SDK1: variants seen among roughly 807,000 people sequenced by gnomAD.
SDK1 encodes protein sidekick-1.
A neutral mutation model predicts 245.5 loss-of-function variants in SDK1; 157 were observed. The ratio of observed to expected loss-of-function variants is 0.64; its 90% CI spans 0.56 to 0.73. The LOEUF (loss-of-function observed/expected upper bound fraction) is 0.73. SDK1 is among the 30% of genes least tolerant of loss of function. SDK1 has a pLI of 0.00. For missense variants in SDK1, 3,583 were observed against 3,002.3 expected (o/e 1.19, Z -4.52); for synonymous variants, 1,647 against 1,278.5 (o/e 1.29, Z -6.15).
chr7:3,748,691 G>A (rs1390906128), intron 4 of SDK1, among the ~76,000 whole-genome samples: 1 of 152,090 alleles, frequency 6.6e-6, no homozygotes, highest in Non-Finnish European at 1.5e-5. Context: ...TTCTCTTTTG[G>A]TTACCATCAC....
rs535928921 is a variant in SDK1 at position 4,099,946 on chromosome 7, T to G, written c.3325-10717T>G. On this transcript the variant is annotated intron_variant, in intron 22 of 44. Transcript: ENST00000404826. ...CCACTGGGGGCTCTTGACAGCCCTT[T>G]AGGGTGACCACTGTGGTCCTCGCTA... is the stretch of plus-strand genomic sequence containing the variant. Among the ~76,000 whole-genome samples, 3 of 152,154 alleles carry G rather than the reference T, an allele frequency of 2.0e-5. No homozygotes were observed. In the South Asian group the frequency reaches 6.2e-4, roughly 32 times the overall value.
At chr7:3,303,748 C>T (rs576371702) in intron 1 of SDK1, among the ~76,000 whole-genome samples, 2 of 152,180 alleles carry the variant, frequency 1.3e-5, no homozygotes, top group African/African-American at 2.4e-5. Context: ...TGTAATATAT[C>T]CATCTTTTTT....
Position 4,143,069 on chromosome 7 carries a change from T to G in SDK1, c.4229-2653T>G, listed in dbSNP as rs1198211299. ...GTTCTGAGGCACACGCTGTAGGTAG[T>G]TAACTCAATCAGGCATTGCAAAGTT... On this transcript the variant is annotated intron_variant, in intron 28 of 44. Coordinates refer to ENST00000404826, the MANE Select transcript of SDK1 (RefSeq NM_152744.4). Among the ~76,000 whole-genome samples the G allele has an allele frequency of 2.6e-5, 4 of 152,180 alleles. No homozygotes were observed. The East Asian group carries it at 5.8e-4, about 22-fold the overall frequency.
chr7:3,930,351 A>T (rs1293325442), intron 5 of SDK1, among the ~76,000 whole-genome samples: 1 of 152,224 alleles, frequency 6.6e-6, no homozygotes, highest in East Asian at 1.9e-4. Context: ...GTGGAAATGC[A>T]GGGTCTTGAT....
At chr7:3,492,607 T>C (rs73309921) in intron 1 of SDK1, among the ~76,000 whole-genome samples, 2,809 of 152,364 alleles carry the variant, frequency 0.018, 97 homozygotes, top group African/African-American at 0.063. Flanking sequence ...TCTTCAGTGT[T>C]CCTGTTCCTC....
At chr7:3,642,521 C>T (rs1450299853) in intron 4 of SDK1, among the ~76,000 whole-genome samples, 1 of 152,074 alleles carries the variant, frequency 6.6e-6, no homozygotes, top group Non-Finnish European at 1.5e-5. Context: ...ATGTTTGATA[C>T]TGCTTTCTCT....
chr7:3,757,633 G>A (rs1399514167), intron 4 of SDK1, among the ~76,000 whole-genome samples: 3 of 152,154 alleles, frequency 2.0e-5, no homozygotes, highest in Non-Finnish European at 4.4e-5. Flanking sequence ...GTGGGGGAGG[G>A]TGCAGTACTC....
intron 4 of SDK1, among the ~76,000 whole-genome samples, chr7:3,814,511 T>C (rs1001872379): frequency 6.6e-6 from 1 of 151,972 alleles, no homozygotes; most frequent in African/African-American, 2.4e-5. Context: ...TTTTGGTTAC[T>C]GTAGCCTTGT....
intron 4 of SDK1, among the ~76,000 whole-genome samples, chr7:3,715,176 C>A (rs528227211): frequency 4.1e-4 from 62 of 152,092 alleles, no homozygotes; most frequent in Non-Finnish European, 7.4e-4. Context: ...TACTAAATCA[C>A]CCTGTTCACA....
intron 1 of SDK1, among the ~76,000 whole-genome samples, chr7:3,358,859 T>G (rs1011641237): frequency 6.6e-6 from 1 of 152,220 alleles, no homozygotes; most frequent in African/African-American, 2.4e-5. Flanking sequence ...ATTTCCTCTT[T>G]TCAATTTCAA....
At chr7:3,545,149 G>A (rs1455570533) in intron 1 of SDK1, among the ~76,000 whole-genome samples, 1 of 152,096 alleles carries the variant, frequency 6.6e-6, no homozygotes, top group Non-Finnish European at 1.5e-5. Context: ...AACTTTAGGA[G>A]AGAGTTTTAA....
chr7:3,614,936 C>G (rs1583229410), intron 1 of SDK1, among the ~76,000 whole-genome samples: 1 of 150,172 alleles, frequency 6.7e-6, no homozygotes, highest in Non-Finnish European at 1.5e-5. Flanking sequence ...CCTACCAGCT[C>G]ACAGTATCCA....
chr7:3,318,019 A>G (rs1779705531), intron 1 of SDK1, among the ~76,000 whole-genome samples: 1 of 152,084 alleles, frequency 6.6e-6, no homozygotes, highest in African/African-American at 2.4e-5. Flanking sequence ...TGAGGCTATC[A>G]CTGTTTCCAG....
chr7:4,132,398 G>A lies in SDK1; in HGVS notation c.4203G>A (p.Pro1401=), dbSNP rs376121639. The A allele has an allele frequency of 3.6e-5, 58 of 1,612,164 alleles. No homozygotes were observed. The highest frequency in any genetic ancestry group is 4.0e-5 in the Non-Finnish European group (47 of 1,179,092). Residue 1401 remains proline, a synonymous_variant, in exon 28 of 45, where the codon CCG becomes CCA. Transcript: ENST00000404826. ...CCGTGCGGATAGTGTGGCAACCTCC[G>A]GAGGAGCCCAACGGCATCATCCTGG... ...LTSVRIVWQP[P]EEPNGIILGY... is the part of the protein sequence containing the mutation.
chr7:3,728,829 C>G lies in SDK1; in HGVS notation c.713+86724C>G, dbSNP rs377310398. Among the ~76,000 whole-genome samples the G allele has an allele frequency of 1.5e-3, 234 of 152,236 alleles. 8 individuals carry two copies. The South Asian group carries it at 0.046, about 30-fold the overall frequency. Reference sequence around the variant, plus strand: ...CCATGTTGGTCAGGCTGGTCTCAAACTCCTGACCTCAGGTAACCCGCCCAC... The same window carrying G: ...CCATGTTGGTCAGGCTGGTCTCAAAGTCCTGACCTCAGGTAACCCGCCCAC... On this transcript the variant is annotated intron_variant, in intron 4 of 44. Coordinates refer to ENST00000404826, the MANE Select transcript of SDK1 (RefSeq NM_152744.4).
At chr7:3,984,989 A>T (rs1783713399) in intron 13 of SDK1, among the ~76,000 whole-genome samples, 1 of 152,196 alleles carries the variant, frequency 6.6e-6, no homozygotes, top group Non-Finnish European at 1.5e-5. Context: ...AGCCTCCCAG[A>T]GTTGAATCAC....
intron 14 of SDK1, among the ~76,000 whole-genome samples, chr7:4,010,114 C>T (rs1470194729): frequency 1.3e-5 from 2 of 152,222 alleles, no homozygotes; most frequent in African/African-American, 4.8e-5. Context: ...AGAAGAATTT[C>T]CCCCACCCAG....
At chr7:3,995,360 G>A (rs939965631) in intron 14 of SDK1, among the ~76,000 whole-genome samples, 14 of 152,118 alleles carry the variant, frequency 9.2e-5, no homozygotes, top group African/African-American at 3.4e-4. Flanking sequence ...CCTCCCCTAG[G>A]GGTGCCACAC....
chr7:4,064,521 TA>T lies in SDK1; in HGVS notation c.2912-3312del, dbSNP rs1417096020. On this transcript the variant is annotated intron_variant, in intron 19 of 44. Transcript: ENST00000404826. ...AAAACAGTATAAGTTTTCAAAAAACTAAAAATAGAACTACCCTATGAGCCAG... is the reference window on the plus strand; with the variant it reads ...AAAACAGTATAAGTTTTCAAAAAACTAAAATAGAACTACCCTATGAGCCAG... Among the ~76,000 whole-genome samples, 5 of 152,124 alleles carry T rather than the reference TA, an allele frequency of 3.3e-5. No homozygotes were observed. The East Asian group carries it at 9.7e-4, about 29-fold the overall frequency.
Sources: allele counts gnomAD v4.1 joint callset (sites outside exome capture counted in the v4.1 genomes callset), GRCh38; gene constraint gnomAD v4.1.1; transcripts MANE v1.5; gene names NCBI Gene and HGNC (gene_info 2026-07-23, HGNC 2026-07-21).